Variants in SLC2A12 observed in about 807,000 individuals in gnomAD.
SLC2A12 encodes the protein solute carrier family 2, facilitated glucose transporter member 12.
A neutral mutation model predicts 41.8 loss-of-function variants in SLC2A12; 23 were observed. That is an observed-to-expected ratio of 0.55 (90% confidence interval 0.40 to 0.78). The LOEUF is 0.78. SLC2A12 is among the 30% of genes least tolerant of loss of function. The probability of loss-of-function intolerance (pLI) is 0.00; values close to 1 mark genes in which losing one functional copy is unlikely to be tolerated. For synonymous variants in SLC2A12, 295 were observed against 285.9 expected (o/e 1.03, Z -0.32); for missense variants, 654 against 745.6 (o/e 0.88, Z 1.43).
chr6:134,051,405 G>C (rs561021143), intron 1 of SLC2A12, among the ~76,000 whole-genome samples: 1 of 152,164 alleles, frequency 6.6e-6, no homozygotes, highest in African/African-American at 2.4e-5. Context: ...CCAAGAGAAA[G>C]GCAGATGTCT....
chr6:134,008,368 T>A (rs1776839871), intron 2 of SLC2A12, among the ~76,000 whole-genome samples: 1 of 152,180 alleles, frequency 6.6e-6, no homozygotes, highest in Non-Finnish European at 1.5e-5. Context: ...TTTCTTACAT[T>A]CTCCAAGTGA....
chr6:134,049,337 G>A (rs999744881), intron 1 of SLC2A12, among the ~76,000 whole-genome samples: 2 of 152,166 alleles, frequency 1.3e-5, no homozygotes. Context: ...TGGACAGTTG[G>A]GGGTGAAGGG....
Position 134,002,252 on chromosome 6 carries a change from G to A in SLC2A12, c.1568-123C>T, listed in dbSNP as rs763850412. ...TTTCAAACATGCCAGCAGTATCCAG[G>A]AAAATAGAAATCACAAATTTAAAAT... On this transcript the variant is annotated intron_variant, in intron 3 of 4. Transcript: ENST00000275230. 144 of 1,057,744 alleles carry A rather than the reference G, an allele frequency of 1.4e-4. 2 individuals are homozygous for A. The South Asian group carries it at 2.2e-3, about 16-fold the overall frequency. The allele number at this position is 1,057,744 out of a possible 1,614,324, so 65.5% of individuals were successfully genotyped here.
Position 134,052,566 on chromosome 6 carries a change from A to G in SLC2A12, c.-86T>C, listed in dbSNP as rs1773708002. 1.0e-6 allele frequency: 1 copy of G among 984,994 alleles called. No individual in the cohort carries two copies. Among genetic ancestry groups the G allele is most frequent in the South Asian group, 1.4e-5 (1 of 71,736 alleles). 61.0% of individuals were successfully genotyped at this position (984,994 alleles called of 1,614,324 possible). A position where few individuals can be genotyped will look rare whatever the true frequency, so the allele number is the denominator to read the frequency against. ...CAGGAGTGGTCACTTTCCCCATAAT[A>G]GCATGCTAAAGAAGAGTGTGGGGAA... On this transcript the variant is annotated 5_prime_UTR_variant, in exon 1 of 5. Transcript: ENST00000275230.
intron 1 of SLC2A12, among the ~76,000 whole-genome samples, chr6:134,034,753 G>T (rs1777269432): frequency 6.6e-6 from 1 of 152,140 alleles, no homozygotes; most frequent in East Asian, 1.9e-4. Context: ...CGTGGACTGA[G>T]GAGAAGTTGT....
chr6:134,043,064 CA>C (rs1777404935), intron 1 of SLC2A12, among the ~76,000 whole-genome samples: 1 of 152,104 alleles, frequency 6.6e-6, no homozygotes, highest in South Asian at 2.1e-4. Flanking sequence ...AGAGAATTTT[CA>C]GGATGGGCCT....
At chr6:134,039,997 G>A (rs1951607400) in intron 1 of SLC2A12, among the ~76,000 whole-genome samples, 2 of 151,926 alleles carry the variant, frequency 1.3e-5, no homozygotes, top group African/African-American at 4.8e-5. Context: ...CCTGCAGAAT[G>A]GTAAGCCAGT....
chr6:134,046,788 G>A (rs1409984644), intron 1 of SLC2A12, among the ~76,000 whole-genome samples: 2 of 152,136 alleles, frequency 1.3e-5, no homozygotes, highest in African/African-American at 2.4e-5. Flanking sequence ...GGATGACAGA[G>A]CAAAACTCTG....
chr6:134,029,644 TG>T lies in SLC2A12; in HGVS notation c.180del (p.Ile61SerfsTer12). ...TTGATCTGAAGAAGAGCCCCAGAGATGATCCCAAGTTCATAACCCACCAGGA... is the reference window on the plus strand; with the variant it reads ...TTGATCTGAAGAAGAGCCCCAGAGATATCCCAAGTTCATAACCCACCAGGA... ...SGLLVGYELG[I>X]ISGALLQIKT... is the part of the protein sequence containing the mutation. On this transcript the variant is annotated frameshift_variant, in exon 2 of 5. Transcript: ENST00000275230. LOFTEE classifies it high-confidence loss of function. The T allele has an allele frequency of 6.2e-7, 1 of 1,613,398 alleles. No individual in the cohort carries two copies. The highest frequency in any genetic ancestry group is 8.5e-7 in the Non-Finnish European group (1 of 1,180,000).
Position 134,028,849 on chromosome 6 carries a change from C to T in SLC2A12, c.976G>A (p.Val326Ile), listed in dbSNP as rs151202816. The change falls in exon 2 of 5, where the codon GTC (valine) becomes ATC (isoleucine). Residue 326 changes from valine (V) to isoleucine (I), a missense_variant. Physicochemically the swap from Val to Ile is conservative, Grantham distance 29. Coordinates refer to ENST00000275230, the MANE Select transcript of SLC2A12 (RefSeq NM_145176.3). ...ASLASTGVGV[V>I]KVISTIPATL... Reference sequence around the variant, plus strand: ...GCAGGGATGGTGCTAATGACCTTGACGACTCCAACCCCAGTGGAGGCGAGG... The same window carrying T: ...GCAGGGATGGTGCTAATGACCTTGATGACTCCAACCCCAGTGGAGGCGAGG... The T allele has an allele frequency of 5.9e-5, 95 of 1,614,064 alleles. No individual in the cohort carries two copies. Among genetic ancestry groups the T allele is most frequent in the Non-Finnish European group, 7.3e-5 (86 of 1,180,052 alleles).
intron 2 of SLC2A12, among the ~76,000 whole-genome samples, chr6:134,022,842 G>A (rs751185305): frequency 6.6e-6 from 1 of 152,158 alleles, no homozygotes; most frequent in Non-Finnish European, 1.5e-5. Context: ...ATTTCTGCAC[G>A]TACTACATGA....
chr6:134,024,605 C>T (rs146796559), intron 2 of SLC2A12, among the ~76,000 whole-genome samples: 1 of 152,290 alleles, frequency 6.6e-6, no homozygotes, highest in African/African-American at 2.4e-5. Flanking sequence ...ACCCAATCTC[C>T]CTTTAGTTGA....
intron 3 of SLC2A12, among the ~76,000 whole-genome samples, chr6:134,006,195 A>C (rs939669616): frequency 2.2e-5 from 2 of 92,580 alleles, no homozygotes; most frequent in African/African-American, 8.1e-5. Flanking sequence ...AAAAAAAACA[A>C]AAAAAAAAAC....
At chr6:134,037,230 C>G (rs1413028588) in intron 1 of SLC2A12, among the ~76,000 whole-genome samples, 1 of 145,742 alleles carries the variant, frequency 6.9e-6, no homozygotes, top group Non-Finnish European at 1.5e-5. Context: ...TTTCGGCTCA[C>G]TGCAACCTCT....
intron 1 of SLC2A12, among the ~76,000 whole-genome samples, chr6:134,042,049 T>C (rs767567180): frequency 2.6e-5 from 4 of 152,220 alleles, no homozygotes; most frequent in South Asian, 4.1e-4. Flanking sequence ...TTCAAATGTA[T>C]ATAAATGGGA....
At chr6:134,040,528 C>T (rs781300672) in intron 1 of SLC2A12, among the ~76,000 whole-genome samples, 1 of 152,250 alleles carries the variant, frequency 6.6e-6, no homozygotes, top group Non-Finnish European at 1.5e-5. Flanking sequence ...AAGACTCACA[C>T]TGTACCCATC....
chr6:134,025,777 C>G (rs1027274960), intron 2 of SLC2A12, among the ~76,000 whole-genome samples: 2 of 152,212 alleles, frequency 1.3e-5, no homozygotes, highest in Non-Finnish European at 2.9e-5. Context: ...GAACTCCTAA[C>G]TTCAAGTACT....
chr6:134,051,613 G>A (rs145124972), intron 1 of SLC2A12, among the ~76,000 whole-genome samples: 6 of 152,280 alleles, frequency 3.9e-5, no homozygotes, highest in East Asian at 3.9e-4. Flanking sequence ...AGCAAAAAGC[G>A]TACAATGTAT....
chr6:134,005,026 T>G (rs550472162), intron 3 of SLC2A12, among the ~76,000 whole-genome samples: 1 of 152,320 alleles, frequency 6.6e-6, no homozygotes, highest in East Asian at 1.9e-4. Context: ...AATTTAGGCT[T>G]TATTTATTTA....
Sources: gnomAD v4.1 joint callset for allele counts (sites outside exome capture counted in the v4.1 genomes callset) on GRCh38, gnomAD v4.1.1 for gene constraint, MANE v1.5 for transcripts, NCBI Gene and HGNC (gene_info 2026-07-23, HGNC 2026-07-21) for gene names.